FAM168A: variants seen among roughly 807,000 people sequenced by gnomAD.
FAM168A encodes the protein family with sequence similarity 168 member A.
A neutral mutation model predicts 28.5 loss-of-function variants in FAM168A; 3 were observed. The observed-to-expected ratio is 0.11, with a 90% CI of 0.05 to 0.27. The LOEUF is 0.27. FAM168A is among the 10% of genes least tolerant of loss of function. FAM168A has a pLI of 1.00. For synonymous variants in FAM168A, 122 were observed against 124.2 expected (o/e 0.98, Z 0.12); for missense variants, 222 against 311.5 (o/e 0.71, Z 2.16).
At chr11:73,541,538 A>T (rs746688293) in intron 1 of FAM168A, among the ~76,000 whole-genome samples, 1 of 151,000 alleles carries the variant, frequency 6.6e-6, no homozygotes, top group Non-Finnish European at 1.5e-5. Context: ...ACACCCGGCT[A>T]ATTTTTGTAT....
intron 1 of FAM168A, among the ~76,000 whole-genome samples, chr11:73,510,089 A>G (rs11819847): frequency 0.03 from 4,513 of 152,172 alleles, 219 homozygotes; most frequent in African/African-American, 0.1. Context: ...CCCCATGAAA[A>G]TCATACCAAT....
chr11:73,495,786 G>A (rs1299337165), intron 1 of FAM168A, among the ~76,000 whole-genome samples: 2 of 152,140 alleles, frequency 1.3e-5, no homozygotes, highest in Non-Finnish European at 2.9e-5. Flanking sequence ...TGTTGATGAG[G>A]ATGTAGAGAA....
At chr11:73,528,307 C>T (rs576022096) in intron 1 of FAM168A, among the ~76,000 whole-genome samples, 2 of 152,104 alleles carry the variant, frequency 1.3e-5, no homozygotes, top group East Asian at 1.9e-4. Context: ...CAGATGTTTA[C>T]GGTTAAGGGA....
At chr11:73,502,047 G>A (rs1173344800) in intron 1 of FAM168A, among the ~76,000 whole-genome samples, 1 of 150,652 alleles carries the variant, frequency 6.6e-6, no homozygotes, top group Non-Finnish European at 1.5e-5. Flanking sequence ...CTTGCAGTGA[G>A]CTGAGATTGC....
chr11:73,552,749 A>C lies in FAM168A; in HGVS notation c.-19+45174T>G, dbSNP rs1264406640. On this transcript the variant is annotated intron_variant, in intron 1 of 7. Coordinates refer to ENST00000356467, the MANE Select transcript of FAM168A (RefSeq NM_015159.3). Reference sequence around the variant, plus strand: ...AGATGGGTGGATCCCTTGAGGTCAGAAGTTCAAGACCAGCCTGGCCAACAT... The same window carrying C: ...AGATGGGTGGATCCCTTGAGGTCAGCAGTTCAAGACCAGCCTGGCCAACAT... Among the ~76,000 whole-genome samples the C allele has an allele frequency of 3.3e-5, 5 of 152,242 alleles. 1 individual carries two copies. Among genetic ancestry groups the C allele is most frequent in the Admixed American group, 2.6e-4 (4 of 15,262 alleles).
Position 73,586,713 on chromosome 11 carries a change from T to C in FAM168A, c.-19+11210A>G, listed in dbSNP as rs183323119. On this transcript the variant is annotated intron_variant, in intron 1 of 7. Transcript: ENST00000356467. ...GTCATTATACAAGATTATTTGCCTA[T>C]GGCTACATCTGTACCTTTGTCTTTT... Among the ~76,000 whole-genome samples the C allele has an allele frequency of 5.4e-4, 83 of 152,374 alleles. 1 individual carries two copies. In the East Asian group the frequency reaches 0.015, roughly 28 times the overall value.
At chr11:73,517,799 A>C (rs1167872317) in intron 1 of FAM168A, among the ~76,000 whole-genome samples, 1 of 152,254 alleles carries the variant, frequency 6.6e-6, no homozygotes, top group Non-Finnish European at 1.5e-5. Context: ...GTAGCTTTTT[A>C]ACATAAAATA....
intron 1 of FAM168A, among the ~76,000 whole-genome samples, chr11:73,551,587 T>TC (rs1943829850): frequency 6.6e-6 from 1 of 152,230 alleles, no homozygotes; most frequent in Admixed American, 6.5e-5. Context: ...TTCTTCTCTT[T>TC]CCCACTGCAC....
intron 2 of FAM168A, among the ~76,000 whole-genome samples, chr11:73,441,806 C>T (rs368250402): frequency 2.6e-5 from 4 of 152,200 alleles, no homozygotes; most frequent in South Asian, 2.1e-4. Context: ...CAATTGTTCA[C>T]GGTCTTACCT....
rs564752595 is a variant in FAM168A, at chr11:73,452,898, CA to C, written c.70+15506del. 6.1e-4 allele frequency among the ~76,000 whole-genome samples: 89 copies of C among 146,116 alleles called. 1 individual carries two copies. The Middle Eastern group carries it at 0.011, about 17-fold the overall frequency. ...TTACTCAACACTATGCTGCAGGTTACAAAAAAAAAAGTACTGAATAAATAGG... is the reference window on the plus strand; with the variant it reads ...TTACTCAACACTATGCTGCAGGTTACAAAAAAAAAGTACTGAATAAATAGG... On this transcript the variant is annotated intron_variant, in intron 2 of 7. Coordinates refer to ENST00000356467, the MANE Select transcript of FAM168A (RefSeq NM_015159.3).
At chr11:73,577,456 A>T (rs1230402503) in intron 1 of FAM168A, among the ~76,000 whole-genome samples, 1 of 152,226 alleles carries the variant, frequency 6.6e-6, no homozygotes, top group Non-Finnish European at 1.5e-5. Context: ...CCAATTTAAA[A>T]TACTTATATT....
chr11:73,569,830 A>C (rs1055876234), intron 1 of FAM168A, among the ~76,000 whole-genome samples: 2 of 135,352 alleles, frequency 1.5e-5, no homozygotes, highest in Non-Finnish European at 3.0e-5. Flanking sequence ...CCTCAAAAAT[A>C]AATAAATAAA....
At chr11:73,549,115 T>C (rs1193296929) in intron 1 of FAM168A, among the ~76,000 whole-genome samples, 1 of 152,154 alleles carries the variant, frequency 6.6e-6, no homozygotes, top group East Asian at 1.9e-4. Context: ...CTAATTTTTG[T>C]ATTTTTAGTA....
chr11:73,529,819 G>A (rs147538689), intron 1 of FAM168A, among the ~76,000 whole-genome samples: 3 of 95,194 alleles, frequency 3.2e-5, no homozygotes, highest in East Asian at 2.1e-4. Context: ...TTTTGGAGAC[G>A]CAGTCTTGCT....
At chr11:73,494,025 CAG>C (rs1399047278) in intron 1 of FAM168A, among the ~76,000 whole-genome samples, 13 of 152,160 alleles carry the variant, frequency 8.5e-5, no homozygotes, top group African/African-American at 2.9e-4. Flanking sequence ...GCTCTGAAAG[CAG>C]AGTCTATTTT....
chr11:73,535,214 T>G (rs1349216875), intron 1 of FAM168A, among the ~76,000 whole-genome samples: 1 of 151,920 alleles, frequency 6.6e-6, no homozygotes, highest in Non-Finnish European at 1.5e-5. Flanking sequence ...GTCTTCACAC[T>G]TTACTACTAG....
At chr11:73,508,224 A>G (rs529294987) in intron 1 of FAM168A, among the ~76,000 whole-genome samples, 1 of 152,286 alleles carries the variant, frequency 6.6e-6, no homozygotes, top group Non-Finnish European at 1.5e-5. Flanking sequence ...AATATTTTAA[A>G]TAAGTGGGGG....
chr11:73,466,987 A>C (rs905900649), intron 2 of FAM168A, among the ~76,000 whole-genome samples: 2 of 150,026 alleles, frequency 1.3e-5, no homozygotes, highest in African/African-American at 4.9e-5. Context: ...TTAAAAAAAG[A>C]AAAAAAAAAT....
chr11:73,553,942 T>C (rs994157766), intron 1 of FAM168A, among the ~76,000 whole-genome samples: 20 of 152,126 alleles, frequency 1.3e-4, no homozygotes, highest in Admixed American at 3.9e-4. Context: ...TGAGCTGAGA[T>C]TGTGCCACTG....
Sources: gnomAD v4.1 joint callset for allele counts (sites outside exome capture counted in the v4.1 genomes callset) on GRCh38, gnomAD v4.1.1 for gene constraint, MANE v1.5 for transcripts, NCBI Gene and HGNC (gene_info 2026-07-23, HGNC 2026-07-21) for gene names.